The following TXNL1 variants were observed in gnomAD, a reference collection of about 807,000 sequenced individuals.
The protein encoded by TXNL1 is thioredoxin like 1, also known as thioredoxin-like protein 1.
A neutral mutation model predicts 35.5 loss-of-function variants in TXNL1; 14 were observed. The observed-to-expected ratio is 0.39, with a 90% CI of 0.26 to 0.62. TXNL1 has a LOEUF of 0.62. Among genes scored for constraint, TXNL1 ranks in the 20% least tolerant of loss-of-function variants. The pLI, the probability that TXNL1 is intolerant of heterozygous loss-of-function variation, is 0.47. For synonymous variants in TXNL1, 110 were observed against 115.5 expected, an observed-to-expected ratio of 0.95 and a Z score of 0.31; for missense variants, 263 against 349.7, an observed-to-expected ratio of 0.75 and a Z score of 1.98.
intron 3 of TXNL1, among the ~76,000 whole-genome samples, chr18:56,622,484 T>C (rs1164230514): frequency 6.6e-6 from 1 of 152,232 alleles, no homozygotes; most frequent in Non-Finnish European, 1.5e-5. Context: ...ATTTAAATAC[T>C]GAATAACCCT....
rs757866915 is a variant in TXNL1, at chr18:56,624,289, T to C, written c.368A>G (p.Tyr123Cys). ...SNEDTDIPKGYMDLMPFINKA... is the reference protein window; with the variant it reads ...SNEDTDIPKGCMDLMPFINKA... ...GATTTCACTTTTCAGTCTACATACA[T>C]AGCCTTTTGGAATATCTGTGTCCTC... is the stretch of plus-strand genomic sequence containing the variant. The change falls in exon 3 of 8, where the codon TAT becomes TGT. Residue 123 changes from tyrosine (Y) to cysteine (C), a missense_variant and splice_region_variant. Physicochemically the swap from Tyr to Cys is radical, Grantham distance 194. Transcript: ENST00000217515. The C allele has an allele frequency of 4.3e-6, 7 of 1,612,522 alleles. No individual in the cohort carries two copies. The highest frequency in any genetic ancestry group is 2.5e-6 in the Non-Finnish European group (3 of 1,179,166).
At chr18:56,620,933 AAG>A (rs1269360710) in intron 3 of TXNL1, among the ~76,000 whole-genome samples, 1 of 152,234 alleles carries the variant, frequency 6.6e-6, no homozygotes, top group Non-Finnish European at 1.5e-5. Flanking sequence ...ATGGGGAGGG[AAG>A]AAAAAAGGGC....
At position 56,624,399 on chromosome 18, in the gene TXNL1, C is replaced by T; in HGVS notation, c.258G>A (p.Val86=). Residue 86 remains valine (V), a synonymous_variant, in exon 3 of 8, where the codon GTG becomes GTA. Coordinates refer to ENST00000217515, the MANE Select transcript of TXNL1 (RefSeq NM_004786.3). ...TPTFLFFRNK[V]RIDQYQGADA... ...CTGCTCCTTGATATTGATCAATTCT[C>T]ACTTTGTTTCGAAAAAACAAAAATG... is the stretch of plus-strand genomic sequence containing the variant. 1 of 1,613,730 alleles carries T rather than the reference C, an allele frequency of 6.2e-7. No individual in the cohort carries two copies. Among genetic ancestry groups the T allele is most frequent in the Middle Eastern group, 1.7e-4 (1 of 6,060 alleles).
chr18:56,618,531 T>TA lies in TXNL1; in HGVS notation c.370-406dup, dbSNP rs574890772. ...TTAAGATGAGTAGCAAATAAGGACTTAAAGTTTTTATCATGAAAAATTTCA... is the reference window on the plus strand; with the variant it reads ...TTAAGATGAGTAGCAAATAAGGACTTAAAAGTTTTTATCATGAAAAATTTCA... On this transcript the variant is annotated intron_variant, in intron 3 of 7. Coordinates refer to ENST00000217515, the MANE Select transcript of TXNL1 (RefSeq NM_004786.3). 2.3e-3 allele frequency among the ~76,000 whole-genome samples: 351 copies of TA among 152,210 alleles called. 1 individual carries two copies. Among genetic ancestry groups the TA allele is most frequent in the Non-Finnish European group, 3.5e-3 (238 of 68,016 alleles).
intron 7 of TXNL1, chr18:56,608,782 A>G (rs982700661): frequency 9.2e-5 from 14 of 152,300 alleles, no homozygotes; most frequent in African/African-American, 3.1e-4. Context: ...CCCTGTCCCC[A>G]CACAAAAATA....
At position 56,602,044 on chromosome 18, in the gene TXNL1, CTT is replaced by C. The variant is rs916593008; in HGVS notation, c.*981_*982del. The C allele has an allele frequency of 1.6e-4, 24 of 151,928 alleles. No homozygotes were observed. The highest frequency in any genetic ancestry group is 4.3e-4 in the African/African-American group (18 of 41,428). 9.4% of individuals were successfully genotyped at this position (151,928 alleles called of 1,614,324 possible). A position where few individuals can be genotyped will look rare whatever the true frequency, so the allele number is the denominator to read the frequency against. ...TTTTTTTTGGAGACGGAGTTTTGCT[CTT>C]GTCGCTCAGGCTGGGGCGCAATGGC... On this transcript the variant is annotated 3_prime_UTR_variant, in exon 8 of 8. Transcript: ENST00000217515.
chr18:56,637,560 C>T (rs769259575), intron 1 of TXNL1, among the ~76,000 whole-genome samples: 1 of 152,214 alleles, frequency 6.6e-6, no homozygotes, highest in Non-Finnish European at 1.5e-5. Flanking sequence ...TCCACCTTTT[C>T]TACGACCTAT....
intron 2 of TXNL1, chr18:56,626,027 A>G (rs143540573): frequency 3.4e-5 from 8 of 232,020 alleles, no homozygotes; most frequent in African/African-American, 4.6e-5. Context: ...CCACTGCTAT[A>G]TAATGCCAAT....
intron 3 of TXNL1, among the ~76,000 whole-genome samples, chr18:56,623,225 C>T (rs989539010): frequency 1.3e-5 from 2 of 152,058 alleles, no homozygotes; most frequent in Non-Finnish European, 2.9e-5. Flanking sequence ...GTCAGGAGTT[C>T]GAGACCAGCC....
At position 56,638,425 on chromosome 18, in the gene TXNL1, GC is replaced by G; in HGVS notation, c.15del (p.Lys5AsnfsTer13). The G allele has an allele frequency of 1.2e-6, 2 of 1,613,236 alleles. No homozygotes were observed. Among genetic ancestry groups the G allele is most frequent in the Non-Finnish European group, 1.7e-6 (2 of 1,179,582 alleles). On this transcript the variant is annotated frameshift_variant, in exon 1 of 8. Coordinates refer to ENST00000217515, the MANE Select transcript of TXNL1 (RefSeq NM_004786.3). LOFTEE classifies it high-confidence loss of function. ...TGGAAATCCGGGTCGCTCCCGACGGGCTTCACCCCCACCATCCTCACAGAGA... is the reference window on the plus strand; with the variant it reads ...TGGAAATCCGGGTCGCTCCCGACGGGTTCACCCCCACCATCCTCACAGAGA... MVGVKPVGSDPDFQP... is the reference protein window; with the variant it reads MVGVXPVGSDPDFQP...
chr18:56,611,575 T>G (rs187018705), intron 6 of TXNL1, among the ~76,000 whole-genome samples: 58 of 152,240 alleles, frequency 3.8e-4, no homozygotes, highest in Admixed American at 1.2e-3. Flanking sequence ...GACTACTAAT[T>G]ATAGGGCTGT....
chr18:56,623,364 G>A (rs931064285), intron 3 of TXNL1, among the ~76,000 whole-genome samples: 16 of 150,688 alleles, frequency 1.1e-4, no homozygotes, highest in African/African-American at 2.7e-4. Flanking sequence ...GGAGGTGGAG[G>A]TTGCAGTGAG....
At chr18:56,624,219 TTC>T in intron 3 of TXNL1, 67 bp downstream of exon 3, 1 of 1,460,450 alleles carries the variant, frequency 6.8e-7, no homozygotes, top group Non-Finnish European at 9.2e-7. Flanking sequence ...ATAGTTATAT[TTC>T]ATTTTAGCCC....
rs116949027 is a variant in TXNL1, at chr18:56,624,307, G to T, written c.350C>A (p.Thr117Lys). 1,940 of 1,613,536 alleles carry T rather than the reference G, an allele frequency of 1.2e-3. 2 individuals are homozygous for T. Among genetic ancestry groups the T allele is most frequent in the Middle Eastern group, 2.6e-3 (16 of 6,060 alleles). Residue 117 changes from threonine (T) to lysine (K), a missense_variant, in exon 3 of 8, where the codon ACA (threonine) becomes AAA (lysine). Transcript: ENST00000217515. Reference sequence around the variant, plus strand: ...ACATACATAGCCTTTTGGAATATCTGTGTCCTCATTGCTTCCAGGGTCATT... The same window carrying T: ...ACATACATAGCCTTTTGGAATATCTTTGTCCTCATTGCTTCCAGGGTCATT... ...LENDPGSNED[T>K]DIPKGYMDLM...
chr18:56,609,821 A>G (rs2023962177), intron 7 of TXNL1: 1 of 152,210 alleles, frequency 6.6e-6, no homozygotes, highest in Non-Finnish European at 1.5e-5. Context: ...AAACATCTAG[A>G]CATAACAGCT....
chr18:56,622,996 C>A (rs2024213758), intron 3 of TXNL1, among the ~76,000 whole-genome samples: 1 of 151,774 alleles, frequency 6.6e-6, no homozygotes, highest in Non-Finnish European at 1.5e-5. Flanking sequence ...CTACTACACA[C>A]CCATATAGAA....
chr18:56,606,802 A>G (rs1400963446), intron 7 of TXNL1, among the ~76,000 whole-genome samples: 1 of 152,218 alleles, frequency 6.6e-6, no homozygotes, highest in African/African-American at 2.4e-5. Flanking sequence ...ATCATGACTG[A>G]AGAGTAGTCC....
rs562231123 is a variant in TXNL1 at position 56,633,242 on chromosome 18, T to C, written c.98+5101A>G. 4.6e-5 allele frequency among the ~76,000 whole-genome samples: 7 copies of C among 151,976 alleles called. No individual in the cohort carries two copies. In the East Asian group the frequency reaches 1.4e-3, roughly 30 times the overall value. ...GCGGACGGATCACGAGGTCAGGAGA[T>C]TGAGACCATCCTGGCTAACACGGTG... On this transcript the variant is annotated intron_variant, in intron 1 of 7. Coordinates refer to ENST00000217515, the MANE Select transcript of TXNL1 (RefSeq NM_004786.3).
intron 3 of TXNL1, among the ~76,000 whole-genome samples, chr18:56,621,787 G>A (rs2024191094): frequency 6.6e-6 from 1 of 151,898 alleles, no homozygotes; most frequent in African/African-American, 2.4e-5. Context: ...ATCACCTGAG[G>A]TCAGGAGTTT....
Sources: allele counts gnomAD v4.1 joint callset (sites outside exome capture counted in the v4.1 genomes callset), GRCh38; gene constraint gnomAD v4.1.1; transcripts MANE v1.5; gene names NCBI Gene and HGNC (gene_info 2026-07-23, HGNC 2026-07-21).